FHIT: variants seen among roughly 807,000 people sequenced by gnomAD.
FHIT encodes the protein fragile histidine triad diadenosine triphosphatase, also known as bis(5'-adenosyl)-triphosphatase.
Under a neutral mutation model 17.9 loss-of-function variants are expected in FHIT, and 19 were observed. That is an observed-to-expected ratio of 1.06 (90% CI 0.74 to 1.56). The LOEUF (loss-of-function observed/expected upper bound fraction) is 1.56. Among genes scored for constraint, FHIT ranks in the 40% most tolerant of loss-of-function variants. The pLI, the probability that FHIT is intolerant of heterozygous loss-of-function variation, is 0.00. For missense variants in FHIT, 248 were observed against 189.2 expected (o/e 1.31, Z -1.82); for synonymous variants, 81 against 69.7 (o/e 1.16, Z -0.81).
intron 8 of FHIT, among the ~76,000 whole-genome samples, chr3:59,837,175 C>G (rs995613813): frequency 2.0e-5 from 3 of 152,162 alleles, no homozygotes; most frequent in South Asian, 2.1e-4. Flanking sequence ...AGTATAGAAG[C>G]CTGATTAATT....
At chr3:59,810,284 G>A (rs1162920026) in intron 8 of FHIT, among the ~76,000 whole-genome samples, 1 of 152,198 alleles carries the variant, frequency 6.6e-6, no homozygotes, top group African/African-American at 2.4e-5. Flanking sequence ...TTGGGCTGTA[G>A]AGGCTCAGAG....
intron 6 of FHIT, among the ~76,000 whole-genome samples, chr3:60,013,102 G>GA (rs1282880726): frequency 3.3e-5 from 5 of 152,064 alleles, no homozygotes; most frequent in African/African-American, 7.2e-5. Flanking sequence ...AAAAAAGAAA[G>GA]AAAAAAATCT....
intron 5 of FHIT, among the ~76,000 whole-genome samples, chr3:60,476,757 G>A (rs1351395693): frequency 1.3e-5 from 2 of 152,064 alleles, no homozygotes; most frequent in East Asian, 1.9e-4. Flanking sequence ...TTTATAAGGC[G>A]CAGAACGGGA....
intron 5 of FHIT, among the ~76,000 whole-genome samples, chr3:60,129,049 G>GTTTTTTTTTTTTTTTTTTT (rs1553692328): frequency 3.3e-5 from 4 of 121,042 alleles, no homozygotes; most frequent in Non-Finnish European, 6.5e-5. Context: ...TTCCTTTTTT[G>GTTTTTTTTTTTTTTTTTTT]TTTGTTTTTT....
At chr3:60,483,782 C>G (rs566871426) in intron 5 of FHIT, among the ~76,000 whole-genome samples, 2 of 152,230 alleles carry the variant, frequency 1.3e-5, no homozygotes, top group East Asian at 1.9e-4. Flanking sequence ...CAAGGACACC[C>G]TCTCTCACCA....
At chr3:61,203,399 G>A (rs1414112807) in intron 1 of FHIT, among the ~76,000 whole-genome samples, 1 of 149,690 alleles carries the variant, frequency 6.7e-6, no homozygotes, top group Non-Finnish European at 1.5e-5. Flanking sequence ...TAACATTCAA[G>A]AATGATAGAG....
intron 3 of FHIT, among the ~76,000 whole-genome samples, chr3:60,938,226 C>A (rs774125370): frequency 3.9e-5 from 6 of 152,160 alleles, no homozygotes; most frequent in Non-Finnish European, 7.4e-5. Flanking sequence ...TGGAAAGGGG[C>A]AGAGTCCAAA....
intron 5 of FHIT, among the ~76,000 whole-genome samples, chr3:60,129,046 T>TTG (rs1559658661): frequency 1.7e-5 from 2 of 120,274 alleles, no homozygotes; most frequent in Non-Finnish European, 3.6e-5. Flanking sequence ...TCTTTCCTTT[T>TTG]TTGTTTGTTT....
intron 1 of FHIT, among the ~76,000 whole-genome samples, chr3:61,209,238 C>T (rs892470392): frequency 4.6e-5 from 7 of 152,208 alleles, no homozygotes; most frequent in Admixed American, 2.0e-4. Context: ...TTCTCTCTGG[C>T]TGCCCTTAAA....
chr3:61,196,977 C>T (rs1308874592), intron 2 of FHIT, among the ~76,000 whole-genome samples: 1 of 152,106 alleles, frequency 6.6e-6, no homozygotes, highest in African/African-American at 2.4e-5. Context: ...AGAGGTTAGG[C>T]CCATGGTGCA....
At chr3:60,932,633 C>G (rs1477586597) in intron 3 of FHIT, among the ~76,000 whole-genome samples, 2 of 152,140 alleles carry the variant, frequency 1.3e-5, no homozygotes, top group African/African-American at 4.8e-5. Flanking sequence ...CTAGCTAGGG[C>G]TCTCATTGGA....
chr3:59,802,864 A>AAAAG (rs139138972), intron 8 of FHIT, among the ~76,000 whole-genome samples: 2,199 of 152,292 alleles, frequency 0.014, 44 homozygotes, highest in African/African-American at 0.047. Context: ...GAGAATAGAG[A>AAAAG]AAAGATATTC....
chr3:60,135,303 A>T (rs1465973368), intron 5 of FHIT, among the ~76,000 whole-genome samples: 2 of 152,146 alleles, frequency 1.3e-5, no homozygotes, highest in African/African-American at 4.8e-5. Flanking sequence ...GGCAAATAGC[A>T]TAAATATAAG....
intron 5 of FHIT, among the ~76,000 whole-genome samples, chr3:60,454,303 G>C (rs1457971889): frequency 6.6e-6 from 1 of 151,938 alleles, no homozygotes; most frequent in Admixed American, 6.6e-5. Context: ...AAATAAGCAG[G>C]CTGCTATTTG....
At chr3:60,240,309 G>T (rs1030716277) in intron 5 of FHIT, among the ~76,000 whole-genome samples, 1 of 152,156 alleles carries the variant, frequency 6.6e-6, no homozygotes, top group Non-Finnish European at 1.5e-5. Context: ...TTCTGTTCCT[G>T]ATACCTATTA....
Position 61,063,402 on chromosome 3 carries a change from T to C in FHIT, c.-163-21303A>G, listed in dbSNP as rs185287361. On this transcript the variant is annotated intron_variant, in intron 2 of 9. Transcript: ENST00000492590. ...ATACTGCCGGGGCTCAAACCACTTATGTATTATGTCAAAAGCCATGCTCTT... is the reference window on the plus strand; with the variant it reads ...ATACTGCCGGGGCTCAAACCACTTACGTATTATGTCAAAAGCCATGCTCTT... Among the ~76,000 whole-genome samples, 6 of 152,268 alleles carry C rather than the reference T, an allele frequency of 3.9e-5. No homozygotes were observed. The East Asian group carries it at 7.7e-4, about 20-fold the overall frequency.
At chr3:60,724,647 GTTTTTTTTTTTTGT>G (rs1329619588) in intron 4 of FHIT, among the ~76,000 whole-genome samples, 1 of 119,908 alleles carries the variant, frequency 8.3e-6, no homozygotes, top group Non-Finnish European at 1.7e-5. Context: ...TTAACTGTCT[GTTTTTTTTTTTTGT>G]TTTTTTTTTT....
chr3:59,815,198 T>G (rs1027925831), intron 8 of FHIT, among the ~76,000 whole-genome samples: 14 of 152,296 alleles, frequency 9.2e-5, no homozygotes, highest in Middle Eastern at 6.8e-3. Flanking sequence ...TTTTTTAACT[T>G]CAGCTTTGGC....
intron 1 of FHIT, among the ~76,000 whole-genome samples, chr3:61,227,592 C>T (rs1333435108): frequency 6.6e-6 from 1 of 152,092 alleles, no homozygotes; most frequent in Admixed American, 6.5e-5. Flanking sequence ...AAAAAAAAGA[C>T]TGTACCAACT....
Sources: allele counts gnomAD v4.1 joint callset (sites outside exome capture counted in the v4.1 genomes callset), GRCh38; gene constraint gnomAD v4.1.1; transcripts MANE v1.5; gene names NCBI Gene and HGNC (gene_info 2026-07-23, HGNC 2026-07-21).